Variants in TMEM132C observed in about 807,000 individuals in gnomAD.
TMEM132C encodes the protein protein phosphatase 1, regulatory subunit 152.
Under a neutral mutation model 61.4 loss-of-function variants are expected in TMEM132C, and 29 were observed. The observed-to-expected ratio is 0.47, with a 90% CI of 0.35 to 0.64. The LOEUF is 0.64. TMEM132C is among the 30% of genes least tolerant of loss of function. The pLI, the probability that TMEM132C is intolerant of heterozygous loss-of-function variation, is 0.00. For missense variants in TMEM132C, 1,408 were observed against 1,476.9 expected (o/e 0.95, Z 0.76); for synonymous variants, 656 against 633.1 (o/e 1.04, Z -0.54).
At chr12:128,393,440 C>T (rs1483253945) in intron 1 of TMEM132C, among the ~76,000 whole-genome samples, 2 of 152,224 alleles carry the variant, frequency 1.3e-5, no homozygotes, top group Admixed American at 6.5e-5. Context: ...TTCACCACCA[C>T]AAGCTCATGA....
intron 1 of TMEM132C, among the ~76,000 whole-genome samples, chr12:128,282,505 T>C (rs1473827816): frequency 6.6e-6 from 1 of 152,174 alleles, no homozygotes; most frequent in Non-Finnish European, 1.5e-5. Context: ...GAGAACTCAC[T>C]CATTATGATG....
At chr12:128,301,177 G>C (rs1403314952) in intron 1 of TMEM132C, among the ~76,000 whole-genome samples, 1 of 152,156 alleles carries the variant, frequency 6.6e-6, no homozygotes, top group Non-Finnish European at 1.5e-5. Context: ...CTTGGAGATG[G>C]AAGGCGAGGA....
chr12:128,639,015 G>GAT (rs1244403486), intron 4 of TMEM132C, among the ~76,000 whole-genome samples: 8 of 119,316 alleles, frequency 6.7e-5, no homozygotes, highest in African/African-American at 2.7e-4. Flanking sequence ...TGATGATGGT[G>GAT]GTGATGGTGA....
At chr12:128,697,546 A>G (rs1954775354) in intron 8 of TMEM132C, 131 bp downstream of exon 8, 2 of 953,834 alleles carry the variant, frequency 2.1e-6, no homozygotes, top group South Asian at 2.0e-5. Flanking sequence ...AAGCCATGTC[A>G]TTGCAGACAA....
At chr12:128,414,620 T>G (rs888236997) in intron 1 of TMEM132C, 112 bp from the exon 2 acceptor site, 4 of 1,217,202 alleles carry the variant, frequency 3.3e-6, no homozygotes, top group Non-Finnish European at 4.4e-6. Context: ...CCAAGTGGGC[T>G]TCAGAATTTC....
rs148376414 is a variant in TMEM132C, at chr12:128,380,577, C to T, written c.86-34155C>T. Among the ~76,000 whole-genome samples, 16 of 152,296 alleles carry T rather than the reference C, an allele frequency of 1.1e-4. No homozygotes were observed. The East Asian group carries it at 3.1e-3, about 29-fold the overall frequency. On this transcript the variant is annotated intron_variant, in intron 1 of 8. Coordinates refer to ENST00000435159, the MANE Select transcript of TMEM132C (RefSeq NM_001136103.3). Reference sequence around the variant, plus strand: ...ACGGTAGGTATCTTCTATAAAGTCTCCATAAACACTAAATTAGCAAATACT... The same window carrying T: ...ACGGTAGGTATCTTCTATAAAGTCTTCATAAACACTAAATTAGCAAATACT...
chr12:128,512,065 CT>C (rs1286435141), intron 2 of TMEM132C, among the ~76,000 whole-genome samples: 1 of 152,138 alleles, frequency 6.6e-6, no homozygotes, highest in Non-Finnish European at 1.5e-5. Context: ...GCCACAGGCA[CT>C]TTCCTACCGC....
chr12:128,340,916 T>TTCTCTCTCTC (rs71989914), intron 1 of TMEM132C, among the ~76,000 whole-genome samples: 1 of 128,270 alleles, frequency 7.8e-6, no homozygotes, highest in Non-Finnish European at 1.6e-5. Context: ...CTCTCTCTCT[T>TTCTCTCTCTC]TCTCTCTCTC....
intron 2 of TMEM132C, among the ~76,000 whole-genome samples, chr12:128,445,874 CCT>C (rs1869964375): frequency 6.6e-6 from 1 of 152,116 alleles, no homozygotes; most frequent in Admixed American, 6.5e-5. Context: ...CAGCCAAGCC[CCT>C]GTTTGTAGAA....
At chr12:128,329,617 A>G (rs991199310) in intron 1 of TMEM132C, among the ~76,000 whole-genome samples, 6 of 152,208 alleles carry the variant, frequency 3.9e-5, no homozygotes, top group African/African-American at 1.2e-4. Flanking sequence ...CGTCCCACAG[A>G]TGGATGCCCC....
chr12:128,571,241 C>G (rs1377525696), intron 3 of TMEM132C, among the ~76,000 whole-genome samples: 1 of 152,172 alleles, frequency 6.6e-6, no homozygotes, highest in Non-Finnish European at 1.5e-5. Flanking sequence ...TTATTGCCTG[C>G]CTTCTACCCT....
chr12:128,620,019 C>T (rs1292256787), intron 4 of TMEM132C, among the ~76,000 whole-genome samples: 3 of 151,840 alleles, frequency 2.0e-5, no homozygotes, highest in South Asian at 4.2e-4. Flanking sequence ...TTGCTTGAGT[C>T]CAAGAGTTCA....
At chr12:128,549,233 C>T (rs1385655798) in intron 3 of TMEM132C, among the ~76,000 whole-genome samples, 1 of 152,144 alleles carries the variant, frequency 6.6e-6, no homozygotes, top group Non-Finnish European at 1.5e-5. Flanking sequence ...GCTCCTCTCA[C>T]AGCAGCTCAT....
chr12:128,271,742 C>G (rs1263749852), intron 1 of TMEM132C, among the ~76,000 whole-genome samples: 1 of 152,232 alleles, frequency 6.6e-6, no homozygotes. Context: ...CTTCGTTCAT[C>G]TCACTGTTCA....
intron 2 of TMEM132C, among the ~76,000 whole-genome samples, chr12:128,426,763 G>C (rs1869198999): frequency 6.6e-6 from 1 of 152,144 alleles, no homozygotes. Context: ...TGAAACATTG[G>C]AGAGTGATTT....
At chr12:128,543,022 C>T (rs1416949361) in intron 2 of TMEM132C, among the ~76,000 whole-genome samples, 1 of 152,130 alleles carries the variant, frequency 6.6e-6, no homozygotes, top group Non-Finnish European at 1.5e-5. Flanking sequence ...GCTCAAGCTG[C>T]TACTTGTCTC....
chr12:128,489,002 G>A (rs988552243), intron 2 of TMEM132C, among the ~76,000 whole-genome samples: 8 of 152,164 alleles, frequency 5.3e-5, no homozygotes, highest in African/African-American at 1.9e-4. Context: ...AAATACATAT[G>A]GAGGATCCTT....
At chr12:128,423,672 C>T (rs1415651559) in intron 2 of TMEM132C, among the ~76,000 whole-genome samples, 1 of 151,846 alleles carries the variant, frequency 6.6e-6, no homozygotes, top group Non-Finnish European at 1.5e-5. Context: ...GAGTTCAAGT[C>T]CAGCCTGGGC....
At chr12:128,542,738 G>A (rs1593093385) in intron 2 of TMEM132C, among the ~76,000 whole-genome samples, 1 of 151,696 alleles carries the variant, frequency 6.6e-6, no homozygotes, top group East Asian at 2.0e-4. Context: ...GCAGGTGCCT[G>A]TAGTCCCAGC....
Sources: gnomAD v4.1 joint callset for allele counts (sites outside exome capture counted in the v4.1 genomes callset) on GRCh38, gnomAD v4.1.1 for gene constraint, MANE v1.5 for transcripts, NCBI Gene and HGNC (gene_info 2026-07-23, HGNC 2026-07-21) for gene names.